Variants in BTBD7 observed in about 807,000 individuals in gnomAD.
The protein encoded by BTBD7 is BTB domain containing 7.
A neutral mutation model predicts 99.9 loss-of-function variants in BTBD7; 38 were observed. The observed-to-expected ratio is 0.38, with a 90% CI of 0.29 to 0.50. The LOEUF is 0.50. BTBD7 is among the 20% of genes least tolerant of loss of function. BTBD7 has a pLI of 0.93. For missense variants in BTBD7, 1,170 were observed against 1,394.6 expected (o/e 0.84, Z 2.57); for synonymous variants, 520 against 511.4 (o/e 1.02, Z -0.23).
intron 7 of BTBD7, among the ~76,000 whole-genome samples, 165 bp downstream of exon 7, chr14:93,253,482 T>C (rs1417691336): frequency 6.6e-6 from 1 of 152,186 alleles, no homozygotes. Flanking sequence ...AATTAAACGT[T>C]TTAGAAAACT....
In BTBD7 at chr14:93,294,812, ACTT is replaced by A; in HGVS notation, c.205_207del (p.Lys69del). The stretch of plus-strand genomic sequence containing the variant: ...CTATTAGATTTCCGACGCTTAATAA[ACTT>A]CTTTTTGAGGGTGGCAAGACCAGAG... On this transcript the variant is annotated inframe_deletion, in exon 3 of 11. Coordinates refer to ENST00000334746, the MANE Select transcript of BTBD7 (RefSeq NM_001002860.4). The A allele has an allele frequency of 3.1e-6, 5 of 1,613,718 alleles. No individual in the cohort carries two copies. Among genetic ancestry groups the A allele is most frequent in the Non-Finnish European group, 4.2e-6 (5 of 1,179,990 alleles).
chr14:93,302,020 G>GTAT, intron 1 of BTBD7, among the ~76,000 whole-genome samples: 1 of 152,196 alleles, frequency 6.6e-6, no homozygotes, highest in African/African-American at 2.4e-5. Flanking sequence ...AGCATGTGAG[G>GTAT]GGTAGAGTAT....
chr14:93,330,340 C>T (rs1156253011), intron 1 of BTBD7, among the ~76,000 whole-genome samples: 2 of 152,174 alleles, frequency 1.3e-5, no homozygotes, highest in Non-Finnish European at 2.9e-5. Context: ...TTCTATTTCC[C>T]TCCCCCTAAG....
At chr14:93,272,041 G>A (rs1005668353) in intron 3 of BTBD7, among the ~76,000 whole-genome samples, 9 of 150,536 alleles carry the variant, frequency 6.0e-5, no homozygotes, top group Admixed American at 5.3e-4. Flanking sequence ...TCCTGTGGGC[G>A]GGCGCAGTGG....
In BTBD7 at chr14:93,251,450, C is replaced by T. The variant is rs1407239079; in HGVS notation, c.1942+13G>A. Reference sequence around the variant, plus strand: ...TATTCATTTAAATATAAACACCCAACATACTGCCTTACCTGGAATTTCGTT... The same window carrying T: ...TATTCATTTAAATATAAACACCCAATATACTGCCTTACCTGGAATTTCGTT... On this transcript the variant is annotated intron_variant, in intron 8 of 10. Transcript: ENST00000334746. The T allele has an allele frequency of 6.3e-7, 1 of 1,576,064 alleles. No homozygotes were observed. The highest frequency in any genetic ancestry group is 2.3e-5 in the East Asian group (1 of 44,294).
intron 1 of BTBD7, among the ~76,000 whole-genome samples, chr14:93,308,498 T>G (rs944172817): frequency 6.6e-6 from 1 of 152,144 alleles, no homozygotes; most frequent in Admixed American, 6.5e-5. Context: ...AGCAATTCCA[T>G]TTGTGGATAT....
Position 93,248,673 on chromosome 14 carries a change from T to G in BTBD7, c.1943-19A>C. 3 of 1,571,410 alleles carry G rather than the reference T, an allele frequency of 1.9e-6. No homozygotes were observed. Among genetic ancestry groups the G allele is most frequent in the Non-Finnish European group, 2.6e-6 (3 of 1,159,678 alleles). On this transcript the variant is annotated intron_variant, in intron 8 of 10. Transcript: ENST00000334746. ...CGAGGAACTGGAAGGAGAACAACAG[T>G]GGGCAAGCAAAATTCCTGAGCTACA...
chr14:93,332,125 C>T (rs1172574802), intron 1 of BTBD7, among the ~76,000 whole-genome samples: 1 of 152,154 alleles, frequency 6.6e-6, no homozygotes, highest in Non-Finnish European at 1.5e-5. Flanking sequence ...TGAGAAAGTT[C>T]TCACCCTCGG....
At position 93,326,169 on chromosome 14, in the gene BTBD7, G is replaced by A. The variant is rs190751810; in HGVS notation, c.-107+6651C>T. On this transcript the variant is annotated intron_variant, in intron 1 of 10. Coordinates refer to ENST00000334746, the MANE Select transcript of BTBD7 (RefSeq NM_001002860.4). ...AATCAGCAGACACTTGAAAAGTTTC[G>A]TTGAAATTATGCCTCAGCTGGGCAT... is the stretch of plus-strand genomic sequence containing the variant. Among the ~76,000 whole-genome samples, 110 of 152,266 alleles carry A rather than the reference G, an allele frequency of 7.2e-4. No homozygotes were observed. The East Asian group carries it at 0.012, about 16-fold the overall frequency.
Position 93,241,395 on chromosome 14 carries a change from T to C in BTBD7, c.*878A>G, listed in dbSNP as rs1129092. 60,429 of 152,302 alleles carry C rather than the reference T, an allele frequency of 0.4. 13,070 individuals are homozygous for C. Among genetic ancestry groups the C allele is most frequent in the African/African-American group, 0.58 (24,159 of 41,396 alleles). 9.4% of individuals were successfully genotyped at this position (152,302 alleles called of 1,614,324 possible). On this transcript the variant is annotated 3_prime_UTR_variant, in exon 11 of 11. Coordinates refer to ENST00000334746, the MANE Select transcript of BTBD7 (RefSeq NM_001002860.4). The stretch of plus-strand genomic sequence containing the variant: ...CTTGAACTCCTGAGCTTCAGTGATC[T>C]GCCCGCCTCGGCCTTCCGAAGTGCC...
In BTBD7 at chr14:93,313,615, C is replaced by A. The variant is rs149842911; in HGVS notation, c.-106-17458G>T. 3.5e-3 allele frequency among the ~76,000 whole-genome samples: 532 copies of A among 151,182 alleles called. 12 individuals are homozygous for A. The South Asian group carries it at 0.052, about 15-fold the overall frequency. On this transcript the variant is annotated intron_variant, in intron 1 of 10. Coordinates refer to ENST00000334746, the MANE Select transcript of BTBD7 (RefSeq NM_001002860.4). Reference sequence around the variant, plus strand: ...ACAGAGAAATGAGTTGAGTATGGTTCTTAGAATTCTGAGTCTAGTGAAGAG... The same window carrying A: ...ACAGAGAAATGAGTTGAGTATGGTTATTAGAATTCTGAGTCTAGTGAAGAG...
At chr14:93,317,920 G>A (rs2053225526) in intron 1 of BTBD7, among the ~76,000 whole-genome samples, 2 of 152,180 alleles carry the variant, frequency 1.3e-5, no homozygotes, top group Admixed American at 6.5e-5. Flanking sequence ...AAGCTTCCCT[G>A]GAAGACAACA....
intron 10 of BTBD7, chr14:93,244,077 G>T: frequency 2.2e-6 from 1 of 460,880 alleles, no homozygotes; most frequent in South Asian, 1.6e-5. Flanking sequence ...CCCACAAAGT[G>T]ACACAGTAGA....
chr14:93,287,194 A>C (rs2052789146), intron 3 of BTBD7, among the ~76,000 whole-genome samples: 1 of 150,744 alleles, frequency 6.6e-6, no homozygotes, highest in South Asian at 2.1e-4. Flanking sequence ...GGGCCATTGC[A>C]CTCTAGCCTG....
At chr14:93,285,717 T>A (rs1214183532) in intron 3 of BTBD7, among the ~76,000 whole-genome samples, 4 of 152,226 alleles carry the variant, frequency 2.6e-5, no homozygotes, top group Admixed American at 6.5e-5. Flanking sequence ...AAGGTCATTA[T>A]GAAAAGTCAA....
chr14:93,315,011 A>G (rs963112599), intron 1 of BTBD7, among the ~76,000 whole-genome samples: 6 of 152,188 alleles, frequency 3.9e-5, no homozygotes, highest in Non-Finnish European at 5.9e-5. Flanking sequence ...AAACTATGAT[A>G]GCTTTTGTCA....
chr14:93,251,486 G>T lies in BTBD7; in HGVS notation c.1919C>A (p.Ser640Ter). The T allele has an allele frequency of 6.2e-7, 1 of 1,602,536 alleles. No homozygotes were observed. Among genetic ancestry groups the T allele is most frequent in the South Asian group, 1.1e-5 (1 of 89,568 alleles). ...QISSNQSSPP[S>*]VVANEIPVPR... ...ACCTGGAATTTCGTTGGCTACAACT[G>T]AAGGAGGGCTTGACTGGTTGCTGCT... The change falls in exon 8 of 11, where the codon TCA becomes TAA. Residue 640 changes from serine (S) to a stop codon, truncating the protein, a stop_gained. Coordinates refer to ENST00000334746, the MANE Select transcript of BTBD7 (RefSeq NM_001002860.4). LOFTEE classifies it high-confidence loss of function.
intron 10 of BTBD7, among the ~76,000 whole-genome samples, chr14:93,243,445 G>A (rs1448869781): frequency 3.3e-5 from 5 of 152,094 alleles, no homozygotes; most frequent in Admixed American, 2.0e-4. Context: ...CGCTCACCTC[G>A]GCCTCCTAAA....
At chr14:93,316,567 ATTG>A (rs766639341) in intron 1 of BTBD7, among the ~76,000 whole-genome samples, 2 of 152,088 alleles carry the variant, frequency 1.3e-5, no homozygotes, top group Non-Finnish European at 2.9e-5. Context: ...ATTTTTAATT[ATTG>A]TTCCCTTTTT....
Sources: gnomAD v4.1 joint callset for allele counts (sites outside exome capture counted in the v4.1 genomes callset) on GRCh38, gnomAD v4.1.1 for gene constraint, MANE v1.5 for transcripts, NCBI Gene and HGNC (gene_info 2026-07-23, HGNC 2026-07-21) for gene names.